The following IRAK1BP1 variants were observed in gnomAD, a reference collection of about 807,000 sequenced individuals.
IRAK1BP1 encodes interleukin-1 receptor-associated kinase 1-binding protein 1.
A neutral mutation model predicts 28.0 loss-of-function variants in IRAK1BP1; 24 were observed. The ratio of observed to expected loss-of-function variants is 0.86; its 90% CI spans 0.62 to 1.20. The LOEUF is 1.20. Among genes scored for constraint, IRAK1BP1 ranks in the 50% most tolerant of loss-of-function variants. IRAK1BP1 has a pLI of 0.00. For missense variants in IRAK1BP1, 336 were observed against 316.7 expected (o/e 1.06, Z -0.46); for synonymous variants, 131 against 116.3 (o/e 1.13, Z -0.81).
intron 2 of IRAK1BP1, among the ~76,000 whole-genome samples, chr6:78,891,311 A>T (rs1771651961): frequency 2.0e-5 from 3 of 152,166 alleles, no homozygotes; most frequent in South Asian, 2.1e-4. Context: ...ATTTAATTTT[A>T]AAAAAAGGTT....
chr6:78,952,101 C>G, the IRAK1BP1 span, among the ~76,000 whole-genome samples: 1 of 152,112 alleles, frequency 6.6e-6, no homozygotes, highest in Non-Finnish European at 1.5e-5. Flanking sequence ...GGAATCATAG[C>G]TTCTCAAATG....
intron 2 of IRAK1BP1, among the ~76,000 whole-genome samples, chr6:78,895,874 A>G (rs1370264941): frequency 6.6e-6 from 1 of 152,228 alleles, no homozygotes; most frequent in Admixed American, 6.5e-5. Context: ...TTGTACTTGA[A>G]AAAGAATAAA....
the IRAK1BP1 span, chr6:78,963,298 G>C: frequency 4.1e-6 from 6 of 1,475,662 alleles, no homozygotes; most frequent in Non-Finnish European, 4.6e-6. Context: ...TAACTTATTA[G>C]TATTCAGGTT....
rs527652298 is a variant in IRAK1BP1, at chr6:78,922,647, GA to G, written c.*67+19543del. Among the ~76,000 whole-genome samples, 854 of 152,246 alleles carry G rather than the reference GA, an allele frequency of 5.6e-3. 6 individuals are homozygous for G. Among genetic ancestry groups the G allele is most frequent in the African/African-American group, 0.02 (826 of 41,540 alleles). The stretch of plus-strand genomic sequence containing the variant: ...CAGATTCACCAAAGTTGAAATGAAG[GA>G]AAAAATGTTAAGGGCAGCCAGAGAG... On this transcript the variant is annotated intron_variant and NMD_transcript_variant, in intron 4 of 4. Coordinates refer to the IRAK1BP1 transcript ENST00000606868.
chr6:78,918,598 A>AAAAG (rs1188953992), intron 4 of IRAK1BP1, among the ~76,000 whole-genome samples: 1 of 151,080 alleles, frequency 6.6e-6, no homozygotes, highest in Non-Finnish European at 1.5e-5. Flanking sequence ...AAAAAAAAAA[A>AAAAG]AAGGGACAAA....
At position 78,867,594 on chromosome 6, in the gene IRAK1BP1, C is replaced by A. The variant is rs746023249; in HGVS notation, c.18C>A (p.Thr6=). The A allele has an allele frequency of 1.9e-6, 3 of 1,613,858 alleles. No individual in the cohort carries two copies. The highest frequency in any genetic ancestry group is 2.2e-5 in the East Asian group (1 of 44,882). The change falls in exon 1 of 4, where the codon ACC becomes ACA. Residue 6 remains threonine (T), a synonymous_variant. Coordinates refer to ENST00000369940, the MANE Select transcript of IRAK1BP1 (RefSeq NM_001010844.4). MSLQK[T]PPTRVFVELV... Reference sequence around the variant, plus strand: ...CCATCGCTATGTCTCTGCAAAAGACCCCTCCGACCCGAGTGTTCGTGGAAC... The same window carrying A: ...CCATCGCTATGTCTCTGCAAAAGACACCTCCGACCCGAGTGTTCGTGGAAC...
chr6:78,955,081 T>G, the IRAK1BP1 span: 2 of 892,778 alleles, frequency 2.2e-6, no homozygotes, highest in South Asian at 4.0e-5. Context: ...AAGAAAATAT[T>G]CACCAAGTTC....
chr6:78,867,642 C>T lies in IRAK1BP1; in HGVS notation c.66C>T (p.Ser22=). ...FVELVPWADR[S]RENNLASGRE... ...AACTGGTTCCCTGGGCTGACCGGAG[C>T]CGGGAGAACAACCTGGCCTCAGGGA... is the stretch of plus-strand genomic sequence containing the variant. The change falls in exon 1 of 4, where the codon AGC becomes AGT. Residue 22 remains serine (S), a synonymous_variant. Transcript: ENST00000369940. The T allele has an allele frequency of 1.2e-6, 2 of 1,614,222 alleles. No homozygotes were observed. The highest frequency in any genetic ancestry group is 1.7e-6 in the Non-Finnish European group (2 of 1,180,026).
At chr6:78,919,492 T>C (rs1772660232) in intron 4 of IRAK1BP1, among the ~76,000 whole-genome samples, 1 of 151,880 alleles carries the variant, frequency 6.6e-6, no homozygotes, top group African/African-American at 2.4e-5. Flanking sequence ...CAAGCACAAT[T>C]AGAAATTACA....
Position 78,897,964 on chromosome 6 carries a change from G to GT in IRAK1BP1, c.512+8dup. The GT allele has an allele frequency of 6.2e-7, 1 of 1,613,444 alleles. No homozygotes were observed. The highest frequency in any genetic ancestry group is 1.1e-5 in the South Asian group (1 of 90,990). On this transcript the variant is annotated splice_donor_region_variant and intron_variant, in intron 3 of 3. Coordinates refer to ENST00000369940, the MANE Select transcript of IRAK1BP1 (RefSeq NM_001010844.4). ...AGGTTCTGTTGAGAATCTTCGGTAA[G>GT]TTTAAGCACATCTTTAACTAAGATA...
chr6:78,896,265 C>G, intron 2 of IRAK1BP1, among the ~76,000 whole-genome samples: 1 of 148,872 alleles, frequency 6.7e-6, no homozygotes. Context: ...TACAAAGGAT[C>G]TAGAACTACT....
chr6:78,868,736 G>T (rs534752425), intron 1 of IRAK1BP1, among the ~76,000 whole-genome samples: 22 of 152,212 alleles, frequency 1.4e-4, no homozygotes, highest in Non-Finnish European at 2.9e-4. Context: ...TTGAACTCAT[G>T]TATTCCTGAA....
At chr6:78,952,781 T>G in the IRAK1BP1 span, among the ~76,000 whole-genome samples, 1 of 152,178 alleles carries the variant, frequency 6.6e-6, no homozygotes, top group Non-Finnish European at 1.5e-5. Flanking sequence ...AAATAACATA[T>G]TTTTTCCCTA....
intron 4 of IRAK1BP1, chr6:78,941,228 T>G: frequency 1.2e-6 from 2 of 1,614,002 alleles, no homozygotes; most frequent in Non-Finnish European, 1.7e-6. Context: ...AACTTCTACT[T>G]TAGGTTTCCT....
chr6:78,903,895 G>A (rs149031043), downstream of IRAK1BP1, among the ~76,000 whole-genome samples: 8 of 152,200 alleles, frequency 5.3e-5, no homozygotes, highest in Middle Eastern at 3.4e-3. Flanking sequence ...TCAGTTTTAC[G>A]CTGGTCACAT....
chr6:78,946,193 T>C, exon 5 of IRAK1BP1: 3 of 1,613,450 alleles, frequency 1.9e-6, no homozygotes, highest in Non-Finnish European at 2.5e-6. Context: ...CGTGTAGGTG[T>C]AGAGAATGCA....
At chr6:78,961,333 T>C in the IRAK1BP1 span, among the ~76,000 whole-genome samples, 1 of 151,872 alleles carries the variant, frequency 6.6e-6, no homozygotes, top group Non-Finnish European at 1.5e-5. Context: ...AATGAACAAA[T>C]ATTTTAATGT....
downstream of IRAK1BP1, among the ~76,000 whole-genome samples, chr6:78,949,743 C>T (rs935549548): frequency 4.0e-5 from 6 of 151,878 alleles, no homozygotes; most frequent in East Asian, 7.8e-4. Flanking sequence ...GGCTAGAGTT[C>T]AGTGGTATCA....
At chr6:78,963,271 T>A in the IRAK1BP1 span, 24 of 1,586,264 alleles carry the variant, frequency 1.5e-5, no homozygotes, top group Non-Finnish European at 2.1e-5. Flanking sequence ...GAAAAGCAGA[T>A]CATTGCAAAT....
Sources: gnomAD v4.1 joint callset for allele counts (sites outside exome capture counted in the v4.1 genomes callset) on GRCh38, gnomAD v4.1.1 for gene constraint, MANE v1.5 for transcripts, NCBI Gene and HGNC (gene_info 2026-07-23, HGNC 2026-07-21) for gene names.